TM4SF18: variants seen among roughly 807,000 people sequenced by gnomAD.
TM4SF18 encodes transmembrane 4 L six family member 18, also known as transmembrane 4 L6 family member 18.
In TM4SF18, 22 loss-of-function variants were observed where a neutral mutation model predicts 23.8. The observed-to-expected ratio is 0.92, with a 90% CI of 0.66 to 1.32. The LOEUF (loss-of-function observed/expected upper bound fraction) is 1.32. TM4SF18 is among the 40% of genes most tolerant of loss of function. The pLI, the probability that TM4SF18 is intolerant of heterozygous loss-of-function variation, is 0.00. For synonymous variants in TM4SF18, 87 were observed against 87.9 expected (o/e 0.99, Z 0.06); for missense variants, 255 against 240.3 (o/e 1.06, Z -0.41).
chr3:149,322,355 A>C lies in TM4SF18; in HGVS notation c.492T>G (p.Ile164Met), dbSNP rs1158210939. The stretch of plus-strand genomic sequence containing the variant: ...CTTGAAGCCCACTGAGGGTTATGAG[A>C]ATGGAAAATAAAATGATGTTCCACT... ...VVEWNIILFSILITLSGLQVI... is the reference protein window; with the variant it reads ...VVEWNIILFSMLITLSGLQVI... Residue 164 changes from isoleucine to methionine, a missense_variant, in exon 5 of 6, where the codon ATT (isoleucine) becomes ATG (methionine). Transcript: ENST00000296059. 6.2e-7 allele frequency: 1 copy of C among 1,613,904 alleles called. No homozygotes were observed. Among genetic ancestry groups the C allele is most frequent in the Admixed American group, 1.7e-5 (1 of 59,988 alleles).
In TM4SF18 at chr3:149,333,210, A is replaced by T. The variant is rs141031719; in HGVS notation, c.173T>A (p.Ile58Asn). The T allele has an allele frequency of 5.6e-6, 9 of 1,610,184 alleles. No individual in the cohort carries two copies. Among genetic ancestry groups the T allele is most frequent in the Admixed American group, 5.0e-5 (3 of 59,738 alleles). Residue 58 changes from isoleucine to asparagine, a missense_variant, in exon 2 of 6, where the codon ATC becomes AAC. Transcript: ENST00000296059. ...AGTCTCCAAATTCATACTTACCATG[A>T]TGCCTGAGAAACAGATTCCTTCAAA... is the stretch of plus-strand genomic sequence containing the variant. Reference protein sequence around the residue: ...WYFEGICFSGIMMLIVTTVLL... With the variant: ...WYFEGICFSGNMMLIVTTVLL...
At position 149,321,475 on chromosome 3, in the gene TM4SF18, T is replaced by TATTCA; in HGVS notation, c.604_*2dup. 2 of 1,572,600 alleles carry TATTCA rather than the reference T, an allele frequency of 1.3e-6. No individual in the cohort carries two copies. The highest frequency in any genetic ancestry group is 1.7e-6 in the Non-Finnish European group (2 of 1,155,192). On this transcript the variant is annotated 3_prime_UTR_variant, in exon 6 of 6. Transcript: ENST00000296059. ...TTGATAATGGAAAACATTTTGTCCT[T>TATTCA]ATTCAAATGATTCCAGGCTATAGGA...
chr3:149,325,469 C>G (rs1434608424), intron 3 of TM4SF18, among the ~76,000 whole-genome samples: 1 of 152,016 alleles, frequency 6.6e-6, no homozygotes, highest in Non-Finnish European at 1.5e-5. Flanking sequence ...AGGAAAATGT[C>G]AGGTATAGTA....
chr3:149,333,482 C>CTATTTTTT, intron 1 of TM4SF18, 31 bp downstream of exon 1: 5 of 235,246 alleles, frequency 2.1e-5, no homozygotes, highest in East Asian at 5.7e-5. Flanking sequence ...CTCTCTCTCT[C>CTATTTTTT]TTTTTTTTTT....
intron 4 of TM4SF18, among the ~76,000 whole-genome samples, chr3:149,324,334 C>T (rs1222789924): frequency 6.6e-6 from 1 of 152,230 alleles, no homozygotes; most frequent in African/African-American, 2.4e-5. Context: ...GCTCATTCCA[C>T]AAACTCCTGC....
chr3:149,323,681 G>A (rs1472139221), intron 4 of TM4SF18, among the ~76,000 whole-genome samples: 15 of 152,168 alleles, frequency 9.9e-5, no homozygotes. Context: ...TGATAATTGT[G>A]TTAACTGTAC....
chr3:149,321,566 G>A, intron 5 of TM4SF18, 74 bp from the exon 6 acceptor site: 2 of 981,508 alleles, frequency 2.0e-6, no homozygotes, highest in Admixed American at 2.4e-5. Flanking sequence ...AATCCAGATA[G>A]CAACTTAAAC....
At chr3:149,328,482 A>G (rs2108362010) in intron 3 of TM4SF18, among the ~76,000 whole-genome samples, 1 of 152,298 alleles carries the variant, frequency 6.6e-6, no homozygotes, top group South Asian at 2.1e-4. Flanking sequence ...AACAACCAAG[A>G]AATGAATCAA....
chr3:149,327,594 C>T lies in TM4SF18; in HGVS notation c.268-2572G>A, dbSNP rs140187979. ...ATGTTGATTGCAGGGTGAGAGTAGG[C>T]AGCAGAATAGTAACATGCAGTAACC... On this transcript the variant is annotated intron_variant, in intron 3 of 5. Transcript: ENST00000296059. Among the ~76,000 whole-genome samples, 477 of 152,168 alleles carry T rather than the reference C, an allele frequency of 3.1e-3. 4 individuals are homozygous for T. The highest frequency in any genetic ancestry group is 0.011 in the African/African-American group (442 of 41,524).
chr3:149,322,308 A>C lies in TM4SF18; in HGVS notation c.539T>G (p.Val180Gly). 2 of 1,613,992 alleles carry C rather than the reference A, an allele frequency of 1.2e-6. No individual in the cohort carries two copies. Among genetic ancestry groups the C allele is most frequent in the Non-Finnish European group, 1.7e-6 (2 of 1,179,974 alleles). The change falls in exon 5 of 6, where the codon GTA becomes GGA. Residue 180 changes from valine (V) to glycine (G), a missense_variant. By Grantham distance (109) the Val-to-Gly change is moderately radical. Transcript: ENST00000296059. ...CAGTATCTTGGATAGTTGCATGACT[A>C]CTCTGATGAGGCAGATGATCACTTG... ...GLQVIICLIRVVMQLSKILCG... is the reference protein window; with the variant it reads ...GLQVIICLIRGVMQLSKILCG...
At position 149,333,302 on chromosome 3, in the gene TM4SF18, T is replaced by C. The variant is rs1466580649; in HGVS notation, c.81A>G (p.Leu27=). ...LALWSIIVNI[L]LYFPNGQTSY... is the part of the protein sequence containing the mutation. ...AAGTTTGCCCATTCGGGAAATACAA[T>C]AATATGTTCACGATTATACTCCAAA... The change falls in exon 2 of 6, where the codon TTA becomes TTG. Residue 27 remains leucine, a synonymous_variant. Coordinates refer to ENST00000296059, the MANE Select transcript of TM4SF18 (RefSeq NM_138786.4). The C allele has an allele frequency of 1.2e-6, 2 of 1,613,880 alleles. No homozygotes were observed. Among genetic ancestry groups the C allele is most frequent in the South Asian group, 2.2e-5 (2 of 91,042 alleles).
intron 2 of TM4SF18, among the ~76,000 whole-genome samples, chr3:149,330,680 A>T (rs76288086): frequency 0.023 from 3,572 of 152,328 alleles, 74 homozygotes; most frequent in South Asian, 0.11. Flanking sequence ...AGCTATTATT[A>T]TCATGGTTAG....
intron 3 of TM4SF18, among the ~76,000 whole-genome samples, chr3:149,328,233 A>T (rs955969900): frequency 3.3e-5 from 5 of 152,198 alleles, no homozygotes; most frequent in Non-Finnish European, 7.3e-5. Context: ...TCACTGGCAG[A>T]TTCAGTGTCT....
At position 149,322,388 on chromosome 3, in the gene TM4SF18, A is replaced by G. The variant is rs753499181; in HGVS notation, c.459T>C (p.His153=). ...ATAAAATGATGTTCCACTCCACAAC[A>G]TGTGCAGGTTCCAGGCACTGAATCC... ...SIWIQCLEPA[H]VVEWNIILFS... The change falls in exon 5 of 6, where the codon CAT becomes CAC. Residue 153 remains histidine (H), a synonymous_variant. Transcript: ENST00000296059. 6.2e-7 allele frequency: 1 copy of G among 1,614,060 alleles called. No homozygotes were observed. The highest frequency in any genetic ancestry group is 8.5e-7 in the Non-Finnish European group (1 of 1,180,026).
rs1235307852 is a variant in TM4SF18, at chr3:149,320,765, A to G, written c.*713T>C. 1.3e-5 allele frequency: 2 copies of G among 152,186 alleles called. No homozygotes were observed. Among genetic ancestry groups the G allele is most frequent in the East Asian group, 3.9e-4 (2 of 5,194 alleles). 9.4% of individuals were successfully genotyped at this position (152,186 alleles called of 1,614,324 possible). The stretch of plus-strand genomic sequence containing the variant: ...AATAGTGAAAATATGAGTTTAGAAA[A>G]TATTTATAGTAAAACATATTCAATA... On this transcript the variant is annotated 3_prime_UTR_variant, in exon 6 of 6. Coordinates refer to ENST00000296059, the MANE Select transcript of TM4SF18 (RefSeq NM_138786.4).
chr3:149,330,449 A>ATTTC, intron 2 of TM4SF18, 30 bp from the exon 3 acceptor site: 12 of 1,433,026 alleles, frequency 8.4e-6, no homozygotes, highest in South Asian at 1.2e-5. Context: ...AAATGTTAGC[A>ATTTC]ATGAAATGCT....
chr3:149,328,267 T>C (rs761562208), intron 3 of TM4SF18, among the ~76,000 whole-genome samples: 77 of 152,192 alleles, frequency 5.1e-4, no homozygotes, highest in Non-Finnish European at 1.8e-4. Context: ...TCCTCATAAA[T>C]GGCACCTTCT....
At chr3:149,330,451 TGAAA>T in intron 2 of TM4SF18, 32 bp from the exon 3 acceptor site, 8 of 1,429,614 alleles carry the variant, frequency 5.6e-6, no homozygotes, top group South Asian at 1.2e-5. Flanking sequence ...ATGTTAGCAA[TGAAA>T]TGCTAGTTTA....
chr3:149,318,541 A>G lies in TM4SF18; in HGVS notation c.*2937T>C, dbSNP rs1295488705. 3 of 152,238 alleles carry G rather than the reference A, an allele frequency of 2.0e-5. No individual in the cohort carries two copies. Among genetic ancestry groups the G allele is most frequent in the East Asian group, 3.8e-4 (2 of 5,206 alleles). 9.4% of individuals were successfully genotyped at this position (152,238 alleles called of 1,614,324 possible). A position where few individuals can be genotyped will look rare whatever the true frequency, so the allele number is the denominator to read the frequency against. Reference sequence around the variant, plus strand: ...TTATTTTTTCTAATAATTCAAGTACATAACACATTTTCAAAGGGAAATTTG... The same window carrying G: ...TTATTTTTTCTAATAATTCAAGTACGTAACACATTTTCAAAGGGAAATTTG... On this transcript the variant is annotated 3_prime_UTR_variant, in exon 6 of 6. Transcript: ENST00000296059.
Sources: allele counts gnomAD v4.1 joint callset (sites outside exome capture counted in the v4.1 genomes callset), GRCh38; gene constraint gnomAD v4.1.1; transcripts MANE v1.5; gene names NCBI Gene and HGNC (gene_info 2026-07-23, HGNC 2026-07-21).